The following PLCL1 variants were observed in gnomAD, a reference collection of about 807,000 sequenced individuals.
The protein encoded by PLCL1 is phospholipase C like 1 (inactive).
Under a neutral mutation model 84.4 loss-of-function variants are expected in PLCL1, and 41 were observed. That is an observed-to-expected ratio of 0.49 (90% confidence interval 0.38 to 0.63). The LOEUF (loss-of-function observed/expected upper bound fraction) is 0.63. Among genes scored for constraint, PLCL1 ranks in the 30% least tolerant of loss-of-function variants. PLCL1 has a pLI of 0.00. For synonymous variants in PLCL1, 490 were observed against 488.3 expected (o/e 1.00, Z -0.05); for missense variants, 1,206 against 1,367.8 (o/e 0.88, Z 1.87).
At chr2:198,023,209 A>C (rs1459579728) in intron 1 of PLCL1, among the ~76,000 whole-genome samples, 2 of 152,222 alleles carry the variant, frequency 1.3e-5, no homozygotes. Flanking sequence ...CAGAAAACTG[A>C]AACTGGACCT....
chr2:198,143,913 C>G (rs1465148913), intron 5 of PLCL1, among the ~76,000 whole-genome samples: 1 of 149,316 alleles, frequency 6.7e-6, no homozygotes, highest in South Asian at 2.1e-4. Flanking sequence ...TTTTTCTTGC[C>G]TATATGGTAC....
At chr2:197,933,578 G>T (rs1688992207) in intron 1 of PLCL1, among the ~76,000 whole-genome samples, 1 of 152,142 alleles carries the variant, frequency 6.6e-6, no homozygotes, top group Non-Finnish European at 1.5e-5. Context: ...TTAAGGAAAA[G>T]GCTGTGATAT....
intron 1 of PLCL1, among the ~76,000 whole-genome samples, chr2:198,077,389 A>G (rs1692604033): frequency 6.6e-6 from 1 of 152,192 alleles, no homozygotes; most frequent in African/African-American, 2.4e-5. Flanking sequence ...TCTCTTGCCC[A>G]AGTTAGCAGT....
At chr2:197,848,161 T>G (rs1001270610) in intron 1 of PLCL1, among the ~76,000 whole-genome samples, 1 of 152,192 alleles carries the variant, frequency 6.6e-6, no homozygotes, top group African/African-American at 2.4e-5. Context: ...TGTAAACAGA[T>G]GAGCTTCTGA....
chr2:197,924,372 A>G (rs933865695), intron 1 of PLCL1, among the ~76,000 whole-genome samples: 2 of 152,196 alleles, frequency 1.3e-5, no homozygotes, highest in African/African-American at 2.4e-5. Context: ...ACATCTTTTC[A>G]GGTGAACCCT....
chr2:197,846,365 T>C (rs868412915), intron 1 of PLCL1, among the ~76,000 whole-genome samples: 9 of 152,126 alleles, frequency 5.9e-5, no homozygotes, highest in African/African-American at 1.4e-4. Context: ...TTTAGGAGGC[T>C]CTGTATAGAG....
intron 1 of PLCL1, among the ~76,000 whole-genome samples, chr2:197,841,455 G>A (rs1687001271): frequency 6.6e-6 from 1 of 152,088 alleles, no homozygotes; most frequent in African/African-American, 2.4e-5. Context: ...CATATAGTTG[G>A]ACTCAACTAT....
chr2:198,084,328 C>A lies in PLCL1; in HGVS notation c.811C>A (p.Leu271Ile). Reference protein sequence around the residue: ...EDTSVELIKQLNPTLKEAKIR... With the variant: ...EDTSVELIKQINPTLKEAKIR... Reference sequence around the variant, plus strand: ...CACCTCTGTAGAGTTAATAAAACAACTCAACCCTACTCTGAAGGAAGCCAA... The same window carrying A: ...CACCTCTGTAGAGTTAATAAAACAAATCAACCCTACTCTGAAGGAAGCCAA... The change falls in exon 2 of 6, where the codon CTC (leucine) becomes ATC (isoleucine). Residue 271 changes from leucine to isoleucine, a missense_variant. Physicochemically the swap from Leu to Ile is conservative, Grantham distance 5. Coordinates refer to ENST00000428675, the MANE Select transcript of PLCL1 (RefSeq NM_006226.4). The A allele has an allele frequency of 6.2e-7, 1 of 1,614,006 alleles. No individual in the cohort carries two copies. The highest frequency in any genetic ancestry group is 1.1e-5 in the South Asian group (1 of 91,080).
At chr2:197,811,977 T>C (rs1477350523) in intron 1 of PLCL1, among the ~76,000 whole-genome samples, 1 of 152,156 alleles carries the variant, frequency 6.6e-6, no homozygotes, top group Non-Finnish European at 1.5e-5. Context: ...ACCTTCCCCT[T>C]CGAGTAGTCC....
intron 1 of PLCL1, among the ~76,000 whole-genome samples, chr2:197,859,644 TCG>T (rs1454682136): frequency 6.6e-6 from 1 of 152,148 alleles, no homozygotes; most frequent in Non-Finnish European, 1.5e-5. Context: ...GGTCATAAAG[TCG>T]TAGTGATATC....
rs182274168 is a variant in PLCL1, at chr2:197,835,739, G to A, written c.240+30400G>A. 4.5e-4 allele frequency among the ~76,000 whole-genome samples: 68 copies of A among 152,322 alleles called. 2 individuals carry two copies. The South Asian group carries it at 1.0e-2, about 22-fold the overall frequency. On this transcript the variant is annotated intron_variant, in intron 1 of 5. Coordinates refer to ENST00000428675, the MANE Select transcript of PLCL1 (RefSeq NM_006226.4). ...GTGAGAATTACATGAGACAACGTATGTAAATCATCAGGCTCATAATAGGCA... is the reference window on the plus strand; with the variant it reads ...GTGAGAATTACATGAGACAACGTATATAAATCATCAGGCTCATAATAGGCA...
At chr2:197,959,972 C>T (rs1489099585) in intron 1 of PLCL1, among the ~76,000 whole-genome samples, 1 of 152,018 alleles carries the variant, frequency 6.6e-6, no homozygotes, top group Non-Finnish European at 1.5e-5. Flanking sequence ...GGCACCTCCA[C>T]CTCTCAATTA....
Position 197,941,162 on chromosome 2 carries a change from A to G in PLCL1, c.240+135823A>G, listed in dbSNP as rs140598685. ...CTTGTTTAAAAACAAATGTTGCCCTAGAAGTACACTAGCAAAGTACCCAAA... is the reference window on the plus strand; with the variant it reads ...CTTGTTTAAAAACAAATGTTGCCCTGGAAGTACACTAGCAAAGTACCCAAA... On this transcript the variant is annotated intron_variant, in intron 1 of 5. Transcript: ENST00000428675. 3.7e-4 allele frequency among the ~76,000 whole-genome samples: 56 copies of G among 152,360 alleles called. 1 individual carries two copies. Among genetic ancestry groups the G allele is most frequent in the Middle Eastern group, 6.8e-3 (2 of 294 alleles).
rs113588809 is a variant in PLCL1, at chr2:197,846,168, T to C, written c.240+40829T>C. ...CACTTTTTCCAGGTTTTTTGGACTTTGTATAGAAAATGAAGTGTTTTGTTT... is the reference window on the plus strand; with the variant it reads ...CACTTTTTCCAGGTTTTTTGGACTTCGTATAGAAAATGAAGTGTTTTGTTT... On this transcript the variant is annotated intron_variant, in intron 1 of 5. Coordinates refer to ENST00000428675, the MANE Select transcript of PLCL1 (RefSeq NM_006226.4). Among the ~76,000 whole-genome samples the C allele has an allele frequency of 2.1e-4, 32 of 152,250 alleles. 3 individuals are homozygous for C. Among genetic ancestry groups the C allele is most frequent in the African/African-American group, 6.5e-4 (27 of 41,572 alleles).
At chr2:197,916,075 C>A (rs751733132) in intron 1 of PLCL1, among the ~76,000 whole-genome samples, 17 of 152,188 alleles carry the variant, frequency 1.1e-4, no homozygotes, top group Admixed American at 2.0e-4. Context: ...CCATTAAATT[C>A]TTGAGGCAAA....
intron 1 of PLCL1, among the ~76,000 whole-genome samples, chr2:197,809,630 T>C (rs1282731748): frequency 1.3e-5 from 2 of 152,284 alleles, no homozygotes; most frequent in East Asian, 1.9e-4. Context: ...ATATGGAGCT[T>C]ACATCCTATT....
intron 1 of PLCL1, among the ~76,000 whole-genome samples, chr2:197,831,425 G>A (rs188044329): frequency 6.6e-6 from 1 of 151,954 alleles, no homozygotes; most frequent in East Asian, 1.9e-4. Flanking sequence ...GACAAAGAAG[G>A]GCATTATATA....
chr2:198,118,942 A>G (rs966902719), intron 5 of PLCL1, among the ~76,000 whole-genome samples: 1 of 152,058 alleles, frequency 6.6e-6, no homozygotes, highest in African/African-American at 2.4e-5. Flanking sequence ...CATTTAGGAT[A>G]AATCTTCAGT....
chr2:198,038,844 CAAA>C (rs11299150), intron 1 of PLCL1, among the ~76,000 whole-genome samples: 4 of 120,402 alleles, frequency 3.3e-5, no homozygotes, highest in African/African-American at 6.2e-5. Context: ...CATTAAAGGT[CAAA>C]AAAAAAAAAA....
Sources: allele counts gnomAD v4.1 joint callset (sites outside exome capture counted in the v4.1 genomes callset), GRCh38; gene constraint gnomAD v4.1.1; transcripts MANE v1.5; gene names NCBI Gene and HGNC (gene_info 2026-07-23, HGNC 2026-07-21).